Variants in KIAA1217 observed in about 807,000 individuals in gnomAD.
The protein encoded by KIAA1217 is sickle tail protein homolog.
A neutral mutation model predicts 163.9 loss-of-function variants in KIAA1217; 88 were observed. The ratio of observed to expected loss-of-function variants is 0.54; its 90% CI spans 0.45 to 0.64. The LOEUF is 0.64. Ranked by LOEUF, KIAA1217 falls within the 30% of genes least tolerant of loss-of-function variation. The probability of loss-of-function intolerance (pLI) is 0.00; values close to 1 mark genes in which losing one functional copy is unlikely to be tolerated. For synonymous variants in KIAA1217, 903 were observed against 923.1 expected (o/e 0.98, Z 0.39); for missense variants, 2,372 against 2,475.0 (o/e 0.96, Z 0.88).
intron 3 of KIAA1217, among the ~76,000 whole-genome samples, chr10:24,392,286 T>C (rs1037665164): frequency 2.6e-5 from 4 of 152,224 alleles, no homozygotes; most frequent in Admixed American, 6.5e-5. Context: ...ACAACTCTTA[T>C]ATCTTAATGT....
intron 5 of KIAA1217, among the ~76,000 whole-genome samples, chr10:24,462,905 C>T (rs77070034): frequency 0.082 from 12,543 of 152,224 alleles, 657 homozygotes; most frequent in East Asian, 0.17. Context: ...TTGGGTGCCG[C>T]AGATAACTTA....
At chr10:24,283,924 T>G (rs2078257231) in intron 2 of KIAA1217, among the ~76,000 whole-genome samples, 1 of 152,090 alleles carries the variant, frequency 6.6e-6, no homozygotes, top group Non-Finnish European at 1.5e-5. Flanking sequence ...TTTTTTATGT[T>G]TTTGAGACGG....
chr10:24,087,189 T>C (rs1470776484), intron 2 of KIAA1217, among the ~76,000 whole-genome samples: 1 of 152,246 alleles, frequency 6.6e-6, no homozygotes, highest in Non-Finnish European at 1.5e-5. Flanking sequence ...ACAGTAGTTT[T>C]ATTACTTAGA....
At chr10:24,287,724 T>G (rs1451303646) in intron 2 of KIAA1217, among the ~76,000 whole-genome samples, 1 of 152,184 alleles carries the variant, frequency 6.6e-6, no homozygotes, top group Non-Finnish European at 1.5e-5. Flanking sequence ...TTGCTCATAA[T>G]TTAACTGAAT....
chr10:24,513,019 G>C lies in KIAA1217; in HGVS notation c.2002-240G>C, dbSNP rs1031043761. On this transcript the variant is annotated intron_variant, in intron 9 of 20. Transcript: ENST00000376454. ...TGTTGTCCATGATGCATTGACCAGA[G>C]TAGAAAAAGGATCCTTTGTCTTGCA... is the stretch of plus-strand genomic sequence containing the variant. Among the ~76,000 whole-genome samples the C allele has an allele frequency of 4.6e-5, 7 of 152,218 alleles. 1 individual carries two copies. Among genetic ancestry groups the C allele is most frequent in the Admixed American group, 2.0e-4 (3 of 15,278 alleles).
Position 24,539,323 on chromosome 10 carries a change from G to A in KIAA1217, c.3534+2430G>A, listed in dbSNP as rs190827841. ...AGCTCACTGCAACCTCCCCCTCCCC[G>A]GTTCAAGTGATTCTCGTGCCTCAGC... On this transcript the variant is annotated intron_variant, in intron 17 of 20. Coordinates refer to ENST00000376454, the MANE Select transcript of KIAA1217 (RefSeq NM_019590.5). Among the ~76,000 whole-genome samples, 7 of 151,718 alleles carry A rather than the reference G, an allele frequency of 4.6e-5. No individual in the cohort carries two copies. In the East Asian group the frequency reaches 5.9e-4, roughly 13 times the overall value.
intron 1 of KIAA1217, among the ~76,000 whole-genome samples, chr10:23,929,481 G>T (rs1378804808): frequency 1.3e-5 from 2 of 151,984 alleles, no homozygotes; most frequent in Admixed American, 6.6e-5. Flanking sequence ...CTCACTTTTG[G>T]AGTCCCCAGT....
intron 1 of KIAA1217, among the ~76,000 whole-genome samples, chr10:23,982,009 G>C (rs939240466): frequency 4.6e-5 from 7 of 151,708 alleles, no homozygotes; most frequent in Non-Finnish European, 7.4e-5. Context: ...AGAGCAAAAG[G>C]AACCTCCCAA....
At chr10:23,998,062 C>G (rs1241005999) in intron 1 of KIAA1217, among the ~76,000 whole-genome samples, 1 of 151,786 alleles carries the variant, frequency 6.6e-6, no homozygotes, top group Admixed American at 6.6e-5. Context: ...GGAATGTCCT[C>G]TCAACTATTT....
At chr10:24,175,179 T>A (rs1036548964) in intron 2 of KIAA1217, among the ~76,000 whole-genome samples, 2 of 152,078 alleles carry the variant, frequency 1.3e-5, no homozygotes, top group Admixed American at 1.3e-4. Flanking sequence ...TAGTCTTTTA[T>A]CCTTCACGCC....
chr10:24,258,610 TGA>T (rs2075405294), intron 2 of KIAA1217, among the ~76,000 whole-genome samples: 1 of 151,652 alleles, frequency 6.6e-6, no homozygotes. Context: ...TTTCTTTTTT[TGA>T]GACGGAGTCT....
At position 24,528,101 on chromosome 10, in the gene KIAA1217, G is replaced by T. The variant is rs771057647; in HGVS notation, c.3064G>T (p.Asp1022Tyr). 6.2e-7 allele frequency: 1 copy of T among 1,613,980 alleles called. No individual in the cohort carries two copies. The highest frequency in any genetic ancestry group is 8.5e-7 in the Non-Finnish European group (1 of 1,179,944). Residue 1022 changes from aspartate (D) to tyrosine (Y), a missense_variant, in exon 14 of 21, where the codon GAC (aspartate) becomes TAC (tyrosine). Physicochemically the swap from Asp to Tyr is radical, Grantham distance 160 (BLOSUM62 -3). Around this residue, in one of 3 missense-constraint regions of KIAA1217, gnomAD observed 1,431 missense variants for 1,470.3 expected, o/e 0.97. Coordinates refer to ENST00000376454, the MANE Select transcript of KIAA1217 (RefSeq NM_019590.5). The stretch of plus-strand genomic sequence containing the variant: ...ACTGCCAAGGGGAGATGCCCCAGTG[G>T]ACAAGGTGGAACTTTCAGGTAAGTT... ...GPLPRGDAPVDKVELSEDSPN... is the reference protein window; with the variant it reads ...GPLPRGDAPVYKVELSEDSPN...
chr10:24,451,779 T>A (rs1240777695), intron 5 of KIAA1217, among the ~76,000 whole-genome samples: 2 of 152,234 alleles, frequency 1.3e-5, no homozygotes, highest in African/African-American at 2.4e-5. Context: ...TTTGCTCTTA[T>A]AAGTATAGGT....
At chr10:24,090,459 C>G (rs1395287949) in intron 2 of KIAA1217, among the ~76,000 whole-genome samples, 1 of 148,878 alleles carries the variant, frequency 6.7e-6, no homozygotes, top group African/African-American at 2.5e-5. Flanking sequence ...GGATTACAGG[C>G]ATGAGCCACT....
intron 2 of KIAA1217, among the ~76,000 whole-genome samples, chr10:24,350,442 A>G (rs542826619): frequency 6.6e-6 from 1 of 152,304 alleles, no homozygotes; most frequent in African/African-American, 2.4e-5. Flanking sequence ...ATTGTGTTCT[A>G]GTTCTCAGAC....
intron 2 of KIAA1217, among the ~76,000 whole-genome samples, chr10:24,175,438 T>TAC (rs1241581273): frequency 1.6e-5 from 2 of 125,546 alleles, no homozygotes; most frequent in African/African-American, 7.0e-5. Flanking sequence ...CCATGGTGTA[T>TAC]ATATATGTGT....
At chr10:23,931,225 A>C (rs1270791052) in intron 1 of KIAA1217, among the ~76,000 whole-genome samples, 1 of 152,080 alleles carries the variant, frequency 6.6e-6, no homozygotes, top group Non-Finnish European at 1.5e-5. Context: ...AATAATTCTG[A>C]GTGATAGGTA....
At chr10:23,948,837 G>T (rs903171965) in intron 1 of KIAA1217, among the ~76,000 whole-genome samples, 1 of 152,070 alleles carries the variant, frequency 6.6e-6, no homozygotes, top group Non-Finnish European at 1.5e-5. Context: ...TTAAAACCTG[G>T]TTATTAAACC....
intron 2 of KIAA1217, among the ~76,000 whole-genome samples, chr10:24,149,699 A>G (rs967196073): frequency 3.3e-5 from 5 of 152,220 alleles, no homozygotes; most frequent in Non-Finnish European, 7.3e-5. Flanking sequence ...AATAGTACAG[A>G]AGAGAAGTTA....
Sources: gnomAD v4.1 joint callset for allele counts (sites outside exome capture counted in the v4.1 genomes callset) on GRCh38, gnomAD v4.1.1 for gene constraint, gnomAD v4.1.1 regional missense constraint, MANE v1.5 for transcripts, NCBI Gene and HGNC (gene_info 2026-07-23, HGNC 2026-07-21) for gene names.